ADCY8: variants seen among roughly 807,000 people sequenced by gnomAD.
ADCY8 encodes the protein adenylate cyclase 8, also known as adenylate cyclase type 8.
ADCY8 carries 51 observed loss-of-function variants against 119.7 expected under a neutral mutation model. The observed-to-expected ratio is 0.43, with a 90% confidence interval of 0.34 to 0.54. The LOEUF is 0.54. Ranked by LOEUF, ADCY8 falls within the 20% of genes least tolerant of loss-of-function variation. ADCY8 has a pLI of 0.03. For missense variants in ADCY8, 1,383 were observed against 1,598.8 expected (o/e 0.87, Z 2.30); for synonymous variants, 665 against 651.0 (o/e 1.02, Z -0.33).
chr8:131,008,295 T>C (rs1370325037), intron 1 of ADCY8, among the ~76,000 whole-genome samples: 1 of 152,188 alleles, frequency 6.6e-6, no homozygotes, highest in African/African-American at 2.4e-5. Context: ...AAATCCAACC[T>C]CGAATGGTAA....
chr8:130,984,250 C>A (rs1822328279), intron 2 of ADCY8, among the ~76,000 whole-genome samples: 1 of 152,092 alleles, frequency 6.6e-6, no homozygotes, highest in Non-Finnish European at 1.5e-5. Context: ...CATGAGTGGG[C>A]TCCCTGTGGG....
intron 8 of ADCY8, among the ~76,000 whole-genome samples, chr8:130,870,763 G>A (rs372052068): frequency 8.5e-5 from 13 of 152,066 alleles, no homozygotes; most frequent in South Asian, 2.1e-4. Context: ...CTAAAGTTGC[G>A]TAAGATATTA....
chr8:130,873,231 T>G (rs1818429789), intron 8 of ADCY8, among the ~76,000 whole-genome samples: 1 of 152,218 alleles, frequency 6.6e-6, no homozygotes, highest in South Asian at 2.1e-4. Flanking sequence ...TAAAAGGCAC[T>G]GAAAGATTCT....
rs1166224158 is a variant in ADCY8, at chr8:130,823,979, C to T, written c.2676-2559G>A. The stretch of plus-strand genomic sequence containing the variant: ...GATTTATTCTAGTTCATATTATGTG[C>T]ACCACACATAATGTAATATCCCTTG... On this transcript the variant is annotated intron_variant, in intron 12 of 17. Transcript: ENST00000286355. Among the ~76,000 whole-genome samples, 4 of 152,222 alleles carry T rather than the reference C, an allele frequency of 2.6e-5. No homozygotes were observed. In the East Asian group the frequency reaches 5.8e-4, roughly 22 times the overall value.
chr8:131,034,728 G>A (rs916852672), intron 1 of ADCY8, among the ~76,000 whole-genome samples: 5 of 152,182 alleles, frequency 3.3e-5, no homozygotes, highest in South Asian at 4.1e-4. Flanking sequence ...TGACAAGTCC[G>A]CTTATCTATC....
chr8:130,859,856 T>C (rs2130361640), intron 9 of ADCY8, among the ~76,000 whole-genome samples: 1 of 152,324 alleles, frequency 6.6e-6, no homozygotes, highest in East Asian at 1.9e-4. Context: ...ACCATTTCTA[T>C]AGTTTTGTCT....
chr8:130,797,252 C>T lies in ADCY8; in HGVS notation c.3060+3174G>A, dbSNP rs189795820. 3.9e-5 allele frequency among the ~76,000 whole-genome samples: 6 copies of T among 152,162 alleles called. No homozygotes were observed. The East Asian group carries it at 1.2e-3, about 29-fold the overall frequency. On this transcript the variant is annotated intron_variant, in intron 15 of 17. Coordinates refer to ENST00000286355, the MANE Select transcript of ADCY8 (RefSeq NM_001115.3). ...TTTTTTTGCGAATTTTTTTAAAGCCCATCAGCTATCCTTAGTGTTAGTGTA... is the reference window on the plus strand; with the variant it reads ...TTTTTTTGCGAATTTTTTTAAAGCCTATCAGCTATCCTTAGTGTTAGTGTA...
chr8:130,977,411 C>A (rs73348557), intron 2 of ADCY8, among the ~76,000 whole-genome samples: 5,996 of 152,250 alleles, frequency 0.039, 152 homozygotes, highest in African/African-American at 0.063. Context: ...TGTAATCCAA[C>A]CTTCTTTGCT....
intron 2 of ADCY8, among the ~76,000 whole-genome samples, chr8:130,986,050 C>A (rs1822393108): frequency 1.3e-5 from 2 of 152,120 alleles, no homozygotes; most frequent in African/African-American, 4.8e-5. Context: ...AAATATGGGC[C>A]ATTTGCATCA....
intron 14 of ADCY8, among the ~76,000 whole-genome samples, chr8:130,803,086 C>T (rs1402823260): frequency 6.6e-6 from 1 of 152,230 alleles, no homozygotes; most frequent in East Asian, 1.9e-4. Flanking sequence ...TACTTGCATT[C>T]AAATCCTTGT....
At chr8:131,030,150 G>C (rs955845151) in intron 1 of ADCY8, among the ~76,000 whole-genome samples, 1 of 152,170 alleles carries the variant, frequency 6.6e-6, no homozygotes, top group Non-Finnish European at 1.5e-5. Flanking sequence ...ACCCATGTTT[G>C]TGTGGGGATG....
intron 1 of ADCY8, among the ~76,000 whole-genome samples, chr8:131,016,679 T>A (rs1225071219): frequency 6.6e-6 from 1 of 151,558 alleles, no homozygotes; most frequent in Non-Finnish European, 1.5e-5. Flanking sequence ...GGGAGAGAGG[T>A]GAGGCTGGAG....
intron 15 of ADCY8, among the ~76,000 whole-genome samples, chr8:130,795,921 C>T (rs887779974): frequency 6.6e-6 from 1 of 152,200 alleles, no homozygotes; most frequent in African/African-American, 2.4e-5. Context: ...GCCCAGGGTA[C>T]ACAGGTCTTC....
intron 2 of ADCY8, among the ~76,000 whole-genome samples, chr8:130,966,404 G>A (rs1821762556): frequency 6.6e-6 from 1 of 152,134 alleles, no homozygotes; most frequent in African/African-American, 2.4e-5. Context: ...ATTTATTATG[G>A]GGGTCACTGT....
intron 15 of ADCY8, among the ~76,000 whole-genome samples, chr8:130,795,801 G>T (rs1415416169): frequency 1.3e-5 from 2 of 151,694 alleles, no homozygotes; most frequent in Admixed American, 6.6e-5. Context: ...GTGTGTGTTT[G>T]TGTGTATGTA....
At chr8:130,832,955 C>A (rs1816882651) in intron 12 of ADCY8, among the ~76,000 whole-genome samples, 1 of 152,198 alleles carries the variant, frequency 6.6e-6, no homozygotes, top group Non-Finnish European at 1.5e-5. Flanking sequence ...AAAGACCCAG[C>A]TTATTCCGTT....
intron 3 of ADCY8, among the ~76,000 whole-genome samples, chr8:130,947,515 T>C (rs1821140132): frequency 6.6e-6 from 1 of 152,228 alleles, no homozygotes; most frequent in South Asian, 2.1e-4. Flanking sequence ...TAGAAAGTCA[T>C]CAAGTTCTCT....
At chr8:131,033,035 A>G (rs1322634371) in intron 1 of ADCY8, among the ~76,000 whole-genome samples, 2 of 152,238 alleles carry the variant, frequency 1.3e-5, no homozygotes, top group East Asian at 3.8e-4. Flanking sequence ...CCAAGAACAC[A>G]CTTCAGAAGT....
intron 2 of ADCY8, among the ~76,000 whole-genome samples, chr8:130,984,041 A>G (rs981901677): frequency 6.7e-6 from 1 of 150,198 alleles, no homozygotes; most frequent in African/African-American, 2.5e-5. Context: ...CCCTGCAGGG[A>G]GGACAGCAGC....
Sources: allele counts gnomAD v4.1 joint callset (sites outside exome capture counted in the v4.1 genomes callset), GRCh38; gene constraint gnomAD v4.1.1; transcripts MANE v1.5; gene names NCBI Gene and HGNC (gene_info 2026-07-23, HGNC 2026-07-21).